PLEKHO2: variants seen among roughly 807,000 people sequenced by gnomAD.
PLEKHO2 encodes the protein pleckstrin homology domain containing O2, also known as pleckstrin homology domain-containing family O member 2.
PLEKHO2 carries 20 observed loss-of-function variants against 32.7 expected under a neutral mutation model. The ratio of observed to expected loss-of-function variants is 0.61; its 90% CI spans 0.43 to 0.89. The LOEUF is 0.89. Among genes scored for constraint, PLEKHO2 ranks in the 40% least tolerant of loss-of-function variants. The pLI is 0.00. For missense variants in PLEKHO2, 568 were observed against 621.2 expected (o/e 0.91, Z 0.91); for synonymous variants, 247 against 246.3 (o/e 1.00, Z -0.03).
intron 2 of PLEKHO2, among the ~76,000 whole-genome samples, chr15:64,850,129 C>T (rs1293326705): frequency 3.9e-5 from 6 of 151,980 alleles, no homozygotes; most frequent in Non-Finnish European, 1.5e-5. Flanking sequence ...CATTGCACTC[C>T]AGCCTGGACA....
At chr15:64,860,755 G>T (rs2084635515) in intron 4 of PLEKHO2, among the ~76,000 whole-genome samples, 1 of 152,226 alleles carries the variant, frequency 6.6e-6, no homozygotes, top group Non-Finnish European at 1.5e-5. Context: ...TAGGGGAAAA[G>T]TGTCCCCGTT....
At chr15:64,859,712 T>G (rs1389515245) in intron 3 of PLEKHO2, among the ~76,000 whole-genome samples, 182 bp from the exon 4 acceptor site, 1 of 152,120 alleles carries the variant, frequency 6.6e-6, no homozygotes, top group Admixed American at 6.5e-5. Context: ...TGCATACTGG[T>G]GGGCAGTGGG....
Position 64,861,466 on chromosome 15 carries a change from C to T in PLEKHO2, c.385-11C>T. The T allele has an allele frequency of 6.3e-7, 1 of 1,579,250 alleles. No individual in the cohort carries two copies. The highest frequency in any genetic ancestry group is 8.6e-7 in the Non-Finnish European group (1 of 1,163,150). On this transcript the variant is annotated splice_polypyrimidine_tract_variant and intron_variant, in intron 4 of 5. Coordinates refer to ENST00000323544, the MANE Select transcript of PLEKHO2 (RefSeq NM_025201.5). Reference sequence around the variant, plus strand: ...CTTGGCAGGGGCTGATCTGGTTCCCCCTCCCTCCAGGTAAAGGTGGACAAG... The same window carrying T: ...CTTGGCAGGGGCTGATCTGGTTCCCTCTCCCTCCAGGTAAAGGTGGACAAG...
chr15:64,857,761 C>T (rs6494499), intron 3 of PLEKHO2, among the ~76,000 whole-genome samples: 55,105 of 152,084 alleles, frequency 0.36, 10,853 homozygotes, highest in Non-Finnish European at 0.45. Context: ...GCCGAGGCAG[C>T]CTGCTTCAGG....
chr15:64,848,433 T>G (rs2084539373), intron 1 of PLEKHO2, among the ~76,000 whole-genome samples, 160 bp from the exon 2 acceptor site: 8 of 152,220 alleles, frequency 5.3e-5, no homozygotes, highest in Admixed American at 5.2e-4. Context: ...GCTCTGATCC[T>G]GGGTTAGGAA....
chr15:64,852,554 G>A (rs770165775), intron 2 of PLEKHO2, among the ~76,000 whole-genome samples: 10 of 152,094 alleles, frequency 6.6e-5, no homozygotes, highest in African/African-American at 1.7e-4. Context: ...CTGGGATGTC[G>A]CCTGGGCATT....
chr15:64,845,390 A>G (rs1421773389), intron 1 of PLEKHO2, among the ~76,000 whole-genome samples: 2 of 151,650 alleles, frequency 1.3e-5, no homozygotes, highest in African/African-American at 4.8e-5. Context: ...AGGCCGAGAA[A>G]CTGGGCTGAG....
chr15:64,845,233 T>TA (rs398027667), intron 1 of PLEKHO2, among the ~76,000 whole-genome samples: 2 of 149,980 alleles, frequency 1.3e-5, no homozygotes, highest in African/African-American at 2.5e-5. Flanking sequence ...TTTTTTTTTT[T>TA]AATGAGTGAT....
chr15:64,866,241 TC>T lies in PLEKHO2; in HGVS notation c.*357del. The T allele has an allele frequency of 2.2e-6, 1 of 458,224 alleles. No homozygotes were observed. Among genetic ancestry groups the T allele is most frequent in the Admixed American group, 2.6e-5 (1 of 38,094 alleles). 28.4% of individuals were successfully genotyped at this position (458,224 alleles called of 1,614,324 possible). On this transcript the variant is annotated 3_prime_UTR_variant, in exon 6 of 6. Transcript: ENST00000323544. The stretch of plus-strand genomic sequence containing the variant: ...TTTCTGGGAATGACATCATCTCTGT[TC>T]CCCATCCCCAGTAGTTTACATTCCT...
chr15:64,858,091 C>A (rs574402321), intron 3 of PLEKHO2, among the ~76,000 whole-genome samples: 1 of 152,352 alleles, frequency 6.6e-6, no homozygotes, highest in Admixed American at 6.5e-5. Flanking sequence ...GCCTTAGCGA[C>A]CCCAGATGCA....
chr15:64,857,106 T>C (rs558912796), intron 3 of PLEKHO2, among the ~76,000 whole-genome samples: 2 of 152,356 alleles, frequency 1.3e-5, no homozygotes, highest in Non-Finnish European at 2.9e-5. Context: ...CTCAGCCAGC[T>C]TGGCCCTTTC....
intron 1 of PLEKHO2, 29 bp downstream of exon 1, chr15:64,842,057 GCTGGGGTC>G: frequency 8.1e-7 from 1 of 1,235,714 alleles, no homozygotes; most frequent in Non-Finnish European, 1.0e-6. Context: ...GGGGCGTTGG[GCTGGGGTC>G]CTCGAGCCCC....
intron 1 of PLEKHO2, among the ~76,000 whole-genome samples, chr15:64,844,085 A>G (rs943483010): frequency 5.9e-5 from 9 of 152,120 alleles, no homozygotes; most frequent in African/African-American, 1.9e-4. Flanking sequence ...CTCAGTGCCC[A>G]TCTTTGTTTC....
intron 2 of PLEKHO2, among the ~76,000 whole-genome samples, chr15:64,853,117 C>T (rs1277392994): frequency 1.3e-5 from 2 of 150,386 alleles, no homozygotes; most frequent in African/African-American, 4.9e-5. Flanking sequence ...CCAGCCTGAG[C>T]GACAGAGTGA....
rs2084685199 is a variant in PLEKHO2, at chr15:64,866,154, G to A, written c.*266G>A. On this transcript the variant is annotated 3_prime_UTR_variant, in exon 6 of 6. Coordinates refer to ENST00000323544, the MANE Select transcript of PLEKHO2 (RefSeq NM_025201.5). ...GCTGGGGCTGGGAGCACACACGCTG[G>A]GACCTATGTGTTTGTGTGGTCGTTC... The A allele has an allele frequency of 3.6e-6, 2 of 560,246 alleles. No individual in the cohort carries two copies. The highest frequency in any genetic ancestry group is 6.5e-6 in the Non-Finnish European group (2 of 309,990). 34.7% of individuals were successfully genotyped at this position (560,246 alleles called of 1,614,324 possible).
At chr15:64,851,903 C>G (rs960101679) in intron 2 of PLEKHO2, among the ~76,000 whole-genome samples, 4 of 152,134 alleles carry the variant, frequency 2.6e-5, no homozygotes, top group Non-Finnish European at 5.9e-5. Context: ...GATTCTTCCC[C>G]GGGCAGTTTC....
intron 5 of PLEKHO2, 50 bp downstream of exon 5, chr15:64,861,625 C>T: frequency 1.4e-6 from 2 of 1,452,574 alleles, no homozygotes; most frequent in Non-Finnish European, 1.9e-6. Flanking sequence ...CCTAGGACCT[C>T]AGCTCCTCTG....
Position 64,865,343 on chromosome 15 carries a change from C to T in PLEKHO2, c.928C>T (p.Pro310Ser). 6.2e-7 allele frequency: 1 copy of T among 1,613,874 alleles called. No homozygotes were observed. The highest frequency in any genetic ancestry group is 8.5e-7 in the Non-Finnish European group (1 of 1,179,858). The change falls in exon 6 of 6, where the codon CCT becomes TCT. Residue 310 changes from proline (P) to serine (S), a missense_variant. Pro to Ser is a moderately conservative substitution (Grantham distance 74, BLOSUM62 -1). Transcript: ENST00000323544. ...TGCCCCCAGGGAGGGTGGGAAGCCC[C>T]CTACACCCCCACCCAAGATCTTATC... Reference protein sequence around the residue: ...EAAPREGGKPPTPPPKILSEK... With the variant: ...EAAPREGGKPSTPPPKILSEK...
At chr15:64,862,415 TTGTC>T (rs1213130963) in intron 5 of PLEKHO2, among the ~76,000 whole-genome samples, 2 of 151,502 alleles carry the variant, frequency 1.3e-5, no homozygotes. Flanking sequence ...CAAGGGAAGG[TTGTC>T]TGAGGTTCCC....
Sources: gnomAD v4.1 joint callset for allele counts (sites outside exome capture counted in the v4.1 genomes callset) on GRCh38, gnomAD v4.1.1 for gene constraint, MANE v1.5 for transcripts, NCBI Gene and HGNC (gene_info 2026-07-23, HGNC 2026-07-21) for gene names.